The following INTU variants were observed in gnomAD, a reference collection of about 807,000 sequenced individuals.
INTU encodes inturned planar cell polarity protein, also known as protein inturned.
INTU carries 68 observed loss-of-function variants against 100.5 expected under a neutral mutation model. That is an observed-to-expected ratio of 0.68 (90% CI 0.56 to 0.83). The LOEUF (loss-of-function observed/expected upper bound fraction) is 0.83. Ranked by LOEUF, INTU falls within the 40% of genes least tolerant of loss-of-function variation. The pLI, the probability that INTU is intolerant of heterozygous loss-of-function variation, is 0.00. For missense variants in INTU, 1,071 were observed against 1,114.7 expected (o/e 0.96, Z 0.56); for synonymous variants, 357 against 395.7 (o/e 0.90, Z 1.16).
At chr4:127,687,092 C>G (rs1199262538) in intron 7 of INTU, 2 of 152,160 alleles carry the variant, frequency 1.3e-5, no homozygotes, top group East Asian at 3.8e-4. Flanking sequence ...TATGTACTTA[C>G]TGTTTACCAG....
intron 2 of INTU, among the ~76,000 whole-genome samples, chr4:127,652,728 G>T (rs1178561541): frequency 6.4e-5 from 8 of 125,730 alleles, no homozygotes; most frequent in African/African-American, 9.6e-5. Context: ...GAATGATGCT[G>T]GCCTCATAAA....
Position 127,716,464 on chromosome 4 carries a change from G to C in INTU, c.*28G>C. 1 of 1,044,650 alleles carries C rather than the reference G, an allele frequency of 9.6e-7. No homozygotes were observed. Among genetic ancestry groups the C allele is most frequent in the South Asian group, 1.6e-5 (1 of 60,824 alleles). The allele number at this position is 1,044,650 out of a possible 1,614,324, so 64.7% of individuals were successfully genotyped here. On this transcript the variant is annotated 3_prime_UTR_variant, in exon 16 of 16. Coordinates refer to ENST00000335251, the MANE Select transcript of INTU (RefSeq NM_015693.4). ...GTGCTTTCTTGATGCGTAGAAACAC[G>C]TGCATGGAGGATCAAACACTGTCAG...
In INTU at chr4:127,687,695, A is replaced by C. The variant is rs765421729; in HGVS notation, c.1277A>C (p.Glu426Ala). Residue 426 changes from glutamate to alanine, a missense_variant, in exon 8 of 16, where the codon GAG becomes GCG. Coordinates refer to ENST00000335251, the MANE Select transcript of INTU (RefSeq NM_015693.4). ...TTCTCCAGTGCCTTTTGCCAGATTG[A>C]GAATGTTCCTCGTTTGGATCATTTT... is the stretch of plus-strand genomic sequence containing the variant. ...GSLDSAFCQI[E>A]NVPRLDHFFN... 15 of 1,611,370 alleles carry C rather than the reference A, an allele frequency of 9.3e-6. No individual in the cohort carries two copies. The highest frequency in any genetic ancestry group is 1.3e-5 in the Non-Finnish European group (15 of 1,177,966).
intron 3 of INTU, among the ~76,000 whole-genome samples, chr4:127,660,695 A>G (rs1728438420): frequency 6.6e-6 from 1 of 152,218 alleles, no homozygotes; most frequent in Non-Finnish European, 1.5e-5. Flanking sequence ...TGAGTCATAG[A>G]GAGTGCGTCC....
At chr4:127,668,459 A>T (rs1024946855) in intron 4 of INTU, among the ~76,000 whole-genome samples, 2 of 151,900 alleles carry the variant, frequency 1.3e-5, no homozygotes, top group African/African-American at 4.8e-5. Context: ...AAGATTTTAT[A>T]ATATCGTGAC....
chr4:127,660,636 A>G (rs1728435101), intron 3 of INTU, among the ~76,000 whole-genome samples: 1 of 152,216 alleles, frequency 6.6e-6, no homozygotes, highest in Admixed American at 6.5e-5. Flanking sequence ...AGGATGGGCT[A>G]AAGACTGAAG....
chr4:127,703,302 G>GA (rs1027095700), intron 9 of INTU, among the ~76,000 whole-genome samples: 2 of 151,788 alleles, frequency 1.3e-5, no homozygotes, highest in Middle Eastern at 3.2e-3. Context: ...TTTTTAAAAA[G>GA]AAAAAAAACT....
chr4:127,696,575 A>G (rs6858855), intron 8 of INTU, among the ~76,000 whole-genome samples: 60,776 of 147,428 alleles, frequency 0.41, 14,022 homozygotes, highest in South Asian at 0.65. Context: ...CTCTATTTTT[A>G]TCTTAGTTAG....
intron 14 of INTU, among the ~76,000 whole-genome samples, chr4:127,712,146 C>G (rs2148737471): frequency 6.6e-6 from 1 of 152,226 alleles, no homozygotes; most frequent in South Asian, 2.1e-4. Flanking sequence ...AGTGGAAGAA[C>G]ATTGGACAAG....
chr4:127,691,627 C>G (rs1235934435), intron 8 of INTU, among the ~76,000 whole-genome samples: 2 of 151,750 alleles, frequency 1.3e-5, no homozygotes, highest in Non-Finnish European at 2.9e-5. Context: ...TTTTGGGGAA[C>G]AGGTGGTGTT....
chr4:127,702,498 T>C, intron 9 of INTU, among the ~76,000 whole-genome samples: 1 of 152,164 alleles, frequency 6.6e-6, no homozygotes, highest in Non-Finnish European at 1.5e-5. Flanking sequence ...TATCCAGGAA[T>C]GGACTACTAC....
At chr4:127,689,727 GA>G (rs1211886822) in intron 8 of INTU, among the ~76,000 whole-genome samples, 1 of 151,472 alleles carries the variant, frequency 6.6e-6, no homozygotes, top group East Asian at 1.9e-4. Flanking sequence ...AAGGAAAGGA[GA>G]AAGAAAGGGG....
intron 2 of INTU, among the ~76,000 whole-genome samples, chr4:127,656,009 C>CT (rs985950723): frequency 6.6e-6 from 1 of 152,240 alleles, no homozygotes; most frequent in African/African-American, 2.4e-5. Context: ...TCACCCCTTT[C>CT]TTTGACTCGG....
intron 2 of INTU, among the ~76,000 whole-genome samples, chr4:127,648,864 T>C (rs1727703577): frequency 6.6e-6 from 1 of 152,158 alleles, no homozygotes; most frequent in South Asian, 2.1e-4. Context: ...AAAGTTTATT[T>C]TGGTCTGCAA....
At chr4:127,696,590 G>C (rs1250042687) in intron 8 of INTU, among the ~76,000 whole-genome samples, 1 of 151,268 alleles carries the variant, frequency 6.6e-6, no homozygotes, top group South Asian at 2.1e-4. Flanking sequence ...AGTTAGGCTA[G>C]AAGCTTATAC....
At chr4:127,713,714 A>C (rs1486739360) in intron 14 of INTU, among the ~76,000 whole-genome samples, 1 of 152,192 alleles carries the variant, frequency 6.6e-6, no homozygotes, top group Non-Finnish European at 1.5e-5. Context: ...GCCTGTGAAC[A>C]AAGTGTTCCC....
In INTU at chr4:127,724,850, T is replaced by C. The variant is rs913199852; in HGVS notation, c.*8414T>C. Reference sequence around the variant, plus strand: ...CATTTGGTCTTAAAAGAAACACTATTATCACTGTGTCACAGTTTGAGAGAT... The same window carrying C: ...CATTTGGTCTTAAAAGAAACACTATCATCACTGTGTCACAGTTTGAGAGAT... On this transcript the variant is annotated 3_prime_UTR_variant, in exon 16 of 16. Coordinates refer to ENST00000335251, the MANE Select transcript of INTU (RefSeq NM_015693.4). The C allele has an allele frequency of 1.8e-4, 27 of 152,192 alleles. No homozygotes were observed. The highest frequency in any genetic ancestry group is 1.6e-3 in the Admixed American group (25 of 15,278). The allele number at this position is 152,192 out of a possible 1,614,324, so 9.4% of individuals were successfully genotyped here. A position where few individuals can be genotyped will look rare whatever the true frequency, so the allele number is the denominator to read the frequency against.
intron 9 of INTU, among the ~76,000 whole-genome samples, chr4:127,701,746 G>A (rs1445050759): frequency 6.6e-6 from 1 of 152,058 alleles, no homozygotes; most frequent in Non-Finnish European, 1.5e-5. Flanking sequence ...TTCCCTTTTT[G>A]TATATGCTAA....
chr4:127,709,055 G>T (rs1379687310), intron 13 of INTU, among the ~76,000 whole-genome samples: 1 of 152,144 alleles, frequency 6.6e-6, no homozygotes, highest in Non-Finnish European at 1.5e-5. Context: ...GAGAATGGTG[G>T]CTGCTAATGC....
Sources: allele counts gnomAD v4.1 joint callset (sites outside exome capture counted in the v4.1 genomes callset), GRCh38; gene constraint gnomAD v4.1.1; transcripts MANE v1.5; gene names NCBI Gene and HGNC (gene_info 2026-07-23, HGNC 2026-07-21).